The following CDCA2 variants were observed in gnomAD, a reference collection of about 807,000 sequenced individuals.
The protein encoded by CDCA2 is cell division cycle-associated protein 2.
Under a neutral mutation model 67.0 loss-of-function variants are expected in CDCA2, and 44 were observed. That is an observed-to-expected ratio of 0.66 (90% CI 0.52 to 0.84). The LOEUF is 0.84. Among genes scored for constraint, CDCA2 ranks in the 40% least tolerant of loss-of-function variants. The pLI is 0.00. For missense variants in CDCA2, 1,253 were observed against 1,203.2 expected (o/e 1.04, Z -0.61); for synonymous variants, 447 against 418.7 (o/e 1.07, Z -0.82).
At chr8:25,487,200 A>G (rs1428191581) in intron 11 of CDCA2, 46 bp from the exon 12 acceptor site, 1 of 1,132,872 alleles carries the variant, frequency 8.8e-7, no homozygotes, top group Non-Finnish European at 1.3e-6. Context: ...TGTATGTTAT[A>G]GTTTTTGGTT....
chr8:25,472,464 T>C (rs1421662229), intron 7 of CDCA2, among the ~76,000 whole-genome samples: 1 of 152,076 alleles, frequency 6.6e-6, no homozygotes, highest in Non-Finnish European at 1.5e-5. Context: ...TTGGCCAGGC[T>C]GATCTTGAAC....
chr8:25,474,461 A>T (rs1038351106), intron 7 of CDCA2, among the ~76,000 whole-genome samples: 2 of 152,154 alleles, frequency 1.3e-5, no homozygotes, highest in South Asian at 2.1e-4. Context: ...CTTCTCACTC[A>T]TTATTGGTCT....
intron 13 of CDCA2, among the ~76,000 whole-genome samples, chr8:25,502,433 C>T (rs562773963): frequency 1.8e-4 from 28 of 152,012 alleles, no homozygotes; most frequent in South Asian, 4.2e-4. Flanking sequence ...TATTATTAAG[C>T]GACTTTTAAT....
intron 14 of CDCA2, among the ~76,000 whole-genome samples, chr8:25,505,236 C>T (rs951454244): frequency 2.0e-5 from 3 of 152,124 alleles, no homozygotes; most frequent in Non-Finnish European, 4.4e-5. Flanking sequence ...GAGTCTCACT[C>T]TGTCGCCCAG....
chr8:25,465,222 C>A (rs917747782), intron 4 of CDCA2, among the ~76,000 whole-genome samples: 1 of 152,212 alleles, frequency 6.6e-6, no homozygotes, highest in Non-Finnish European at 1.5e-5. Flanking sequence ...GATCCTCCCA[C>A]CTTGGCCTCC....
intron 1 of CDCA2, 96 bp from the exon 2 acceptor site, chr8:25,460,144 G>C: frequency 1.7e-6 from 2 of 1,166,496 alleles, no homozygotes; most frequent in Non-Finnish European, 2.6e-6. Context: ...TGCCAGTATG[G>C]ACTGTATTAC....
At chr8:25,478,710 T>C (rs1532916) in intron 7 of CDCA2, among the ~76,000 whole-genome samples, 53,338 of 151,798 alleles carry the variant, frequency 0.35, 9,395 homozygotes, top group South Asian at 0.37. Context: ...CTTGGCTTTG[T>C]GTGCATAATG....
At chr8:25,501,722 C>A (rs1313093491) in intron 13 of CDCA2, among the ~76,000 whole-genome samples, 2 of 152,188 alleles carry the variant, frequency 1.3e-5, no homozygotes, top group African/African-American at 4.8e-5. Flanking sequence ...ACAGTTCACA[C>A]AGCCAGTCAT....
At chr8:25,506,015 G>T (rs1334959113) in intron 14 of CDCA2, among the ~76,000 whole-genome samples, 1 of 152,128 alleles carries the variant, frequency 6.6e-6, no homozygotes, top group Non-Finnish European at 1.5e-5. Context: ...TTAACAAAGG[G>T]CATGAGACCT....
At chr8:25,464,985 T>TA (rs199635788) in intron 4 of CDCA2, among the ~76,000 whole-genome samples, 12 of 152,158 alleles carry the variant, frequency 7.9e-5, no homozygotes, top group African/African-American at 2.9e-4. Flanking sequence ...ATATATATAT[T>TA]TTTTCTGAGA....
At chr8:25,506,018 T>C (rs1804662167) in intron 14 of CDCA2, among the ~76,000 whole-genome samples, 1 of 152,210 alleles carries the variant, frequency 6.6e-6, no homozygotes, top group Non-Finnish European at 1.5e-5. Context: ...ACAAAGGGCA[T>C]GAGACCTGAG....
chr8:25,470,093 AG>A, intron 7 of CDCA2, 113 bp downstream of exon 7: 1 of 652,538 alleles, frequency 1.5e-6, no homozygotes, highest in Non-Finnish European at 2.7e-6. Flanking sequence ...ACTTTTTAGG[AG>A]CTCATGGCCT....
At chr8:25,476,917 A>C (rs969044482) in intron 7 of CDCA2, among the ~76,000 whole-genome samples, 1 of 152,078 alleles carries the variant, frequency 6.6e-6, no homozygotes, top group Non-Finnish European at 1.5e-5. Context: ...CTTGTGTCTG[A>C]GTTGTCTCCT....
At chr8:25,497,968 A>G (rs1417354669) in intron 13 of CDCA2, among the ~76,000 whole-genome samples, 2 of 152,312 alleles carry the variant, frequency 1.3e-5, no homozygotes, top group Admixed American at 1.3e-4. Flanking sequence ...GGCTAATTCT[A>G]TAGGAAAAAT....
At position 25,503,401 on chromosome 8, in the gene CDCA2, G is replaced by C. The variant is rs1804549643; in HGVS notation, c.1700G>C (p.Gly567Ala). The C allele has an allele frequency of 6.2e-7, 1 of 1,613,982 alleles. No individual in the cohort carries two copies. The highest frequency in any genetic ancestry group is 1.3e-5 in the African/African-American group (1 of 75,040). ...TTAAAAAGTTGCAGAAAGAAGAAAG[G>C]AAAGGGAAAGAAAAGTGTTCAGAAA... ...QVLKSCRKKKGKGKKSVQKSL... is the reference protein window; with the variant it reads ...QVLKSCRKKKAKGKKSVQKSL... The change falls in exon 14 of 15, where the codon GGA (glycine) becomes GCA (alanine). Residue 567 changes from glycine (G) to alanine (A), a missense_variant. Coordinates refer to ENST00000330560, the MANE Select transcript of CDCA2 (RefSeq NM_152562.4).
chr8:25,491,830 C>G (rs888426200), intron 13 of CDCA2, among the ~76,000 whole-genome samples: 46 of 152,194 alleles, frequency 3.0e-4, no homozygotes, highest in Middle Eastern at 3.4e-3. Context: ...AACTCTTGCT[C>G]TGTTGCCCAG....
chr8:25,499,710 C>T (rs1195863891), intron 13 of CDCA2, among the ~76,000 whole-genome samples: 2 of 152,204 alleles, frequency 1.3e-5, no homozygotes, highest in East Asian at 1.9e-4. Flanking sequence ...CTCCTGACCT[C>T]CTTCACTGTG....
At chr8:25,476,896 C>T (rs11135868) in intron 7 of CDCA2, among the ~76,000 whole-genome samples, 146,442 of 152,230 alleles carry the variant, frequency 0.96, 70,662 homozygotes, top group East Asian at 1. Flanking sequence ...GCTCCTTCTC[C>T]TTCTAAGGAC....
intron 12 of CDCA2, 69 bp downstream of exon 12, chr8:25,487,403 C>G: frequency 1.0e-6 from 1 of 975,254 alleles, no homozygotes; most frequent in South Asian, 1.4e-5. Context: ...GTTTTCATGG[C>G]CAAATGATAA....
Sources: allele counts gnomAD v4.1 joint callset (sites outside exome capture counted in the v4.1 genomes callset), GRCh38; gene constraint gnomAD v4.1.1; transcripts MANE v1.5; gene names NCBI Gene and HGNC (gene_info 2026-07-23, HGNC 2026-07-21).